Variants in NBN observed in about 807,000 individuals in gnomAD.
NBN encodes Nijmegen breakage syndrome 1 (nibrin).
Under a neutral mutation model 90.8 loss-of-function variants are expected in NBN, and 88 were observed. That is an observed-to-expected ratio of 0.97 (90% CI 0.82 to 1.16). NBN has a LOEUF of 1.16. Among genes scored for constraint, NBN ranks in the 50% most tolerant of loss-of-function variants. The pLI is 0.00. For missense variants in NBN, 894 were observed against 869.6 expected, an observed-to-expected ratio of 1.03 and a Z score of -0.35; for synonymous variants, 328 against 295.1, an observed-to-expected ratio of 1.11 and a Z score of -1.14.
chr8:89,949,794 G>A (rs1035244581), intron 11 of NBN, among the ~76,000 whole-genome samples: 1 of 151,912 alleles, frequency 6.6e-6, no homozygotes, highest in Non-Finnish European at 1.5e-5. Context: ...TCAAAAAATC[G>A]CCAAAAAAAT....
chr8:89,937,023 T>C lies in NBN; in HGVS notation c.2234+3A>G, dbSNP rs1563497539. The stretch of plus-strand genomic sequence containing the variant: ...TACATGAGAAAGGTGAATCAAACTT[T>C]ACCTAAAAAGATCATCAGCAAGAGA... On this transcript the variant is annotated splice_donor_region_variant and intron_variant, in intron 15 of 15. Transcript: ENST00000265433. 2 of 1,605,368 alleles carry C rather than the reference T, an allele frequency of 1.2e-6. No homozygotes were observed. The highest frequency in any genetic ancestry group is 1.7e-5 in the Admixed American group (1 of 59,944).
chr8:89,970,625 T>G, intron 6 of NBN, 68 bp from the exon 7 acceptor site: 35 of 1,437,748 alleles, frequency 2.4e-5, no homozygotes, highest in Non-Finnish European at 3.3e-5. Context: ...AGAATTTGAT[T>G]TGGGAAACAT....
In NBN at chr8:89,958,759, C is replaced by A. The variant is rs765403660; in HGVS notation, c.1090G>T (p.Val364Leu). ...PSAPVNTTTY[V>L]ADTESEQADT... ...GCTTGCTCTGATTCTGTGTCAGCTA[C>A]GTATGTTGTAGTGTTCACTGGGGCG... Residue 364 changes from valine to leucine, a missense_variant, in exon 9 of 16, where the codon GTA (valine) becomes TTA (leucine). Physicochemically the swap from Val to Leu is conservative, Grantham distance 32 (BLOSUM62 1). Transcript: ENST00000265433. The A allele has an allele frequency of 6.2e-7, 1 of 1,614,062 alleles. No individual in the cohort carries two copies. The highest frequency in any genetic ancestry group is 1.1e-5 in the South Asian group (1 of 91,074).
intron 6 of NBN, 140 bp downstream of exon 6, chr8:89,971,033 G>A: frequency 1.2e-6 from 1 of 848,792 alleles, no homozygotes; most frequent in Non-Finnish European, 1.8e-6. Context: ...CAGGTCTGGT[G>A]CCTGGGGTTT....
chr8:89,981,647 T>C (rs1812075963), intron 2 of NBN, 124 bp from the exon 3 acceptor site: 3 of 965,090 alleles, frequency 3.1e-6, no homozygotes, highest in African/African-American at 1.6e-5. Flanking sequence ...AGACAACAAT[T>C]ACTGCTTCGG....
intron 10 of NBN, among the ~76,000 whole-genome samples, chr8:89,954,574 A>C (rs1810608894): frequency 6.6e-6 from 1 of 152,108 alleles, no homozygotes; most frequent in Non-Finnish European, 1.5e-5. Context: ...GAGAGGACAG[A>C]AAAAGTTTTT....
intron 7 of NBN, among the ~76,000 whole-genome samples, chr8:89,966,084 A>T (rs2129798622): frequency 6.6e-6 from 1 of 152,346 alleles, no homozygotes; most frequent in African/African-American, 2.4e-5. Context: ...CATATTTAAT[A>T]ATGCTCTACA....
chr8:89,982,307 A>G (rs1586110717), intron 2 of NBN: 2 of 268,000 alleles, frequency 7.5e-6, no homozygotes, highest in East Asian at 2.1e-4. Flanking sequence ...AACCTCTTTA[A>G]GAGCCAGAGT....
At position 89,970,388 on chromosome 8, in the gene NBN, T is replaced by G. The variant is rs587778547; in HGVS notation, c.872A>C (p.Gln291Pro). ...CCTTTGGAGCATATCCATTATTGAC[T>G]GAATCCATTTCTTCTGACAGTCAGG... ...LIPDCQKKWI[Q>P]SIMDMLQRQG... The change falls in exon 7 of 16, where the codon CAG becomes CCG. Residue 291 changes from glutamine (Q) to proline (P), a missense_variant. Coordinates refer to ENST00000265433, the MANE Select transcript of NBN (RefSeq NM_002485.5). 1.2e-6 allele frequency: 2 copies of G among 1,612,990 alleles called. No individual in the cohort carries two copies. Among genetic ancestry groups the G allele is most frequent in the Non-Finnish European group, 1.7e-6 (2 of 1,179,044 alleles).
At chr8:89,981,849 T>C (rs1417168199) in intron 2 of NBN, 4 of 628,614 alleles carry the variant, frequency 6.4e-6, no homozygotes, top group Admixed American at 4.3e-5. Flanking sequence ...AACATGACAA[T>C]TTCATTCCTA....
intron 4 of NBN, 65 bp downstream of exon 4, chr8:89,980,669 G>C: frequency 7.2e-7 from 1 of 1,381,352 alleles, no homozygotes; most frequent in South Asian, 1.2e-5. Context: ...AAAAATCTGT[G>C]TATAGTGGGT....
Position 89,970,450 on chromosome 8 carries a change from AAC to A in NBN, c.808_809del (p.Val270CysfsTer2), listed in dbSNP as rs786202490. 1.4e-5 allele frequency: 22 copies of A among 1,613,958 alleles called. No individual in the cohort carries two copies. Among genetic ancestry groups the A allele is most frequent in the Non-Finnish European group, 1.8e-5 (21 of 1,179,962 alleles). ...GTGAGTTTGTTATTCCTGTATCAAC[AAC>A]ACACGTTCCCGGAGCCAAAAAGAAA... ...HNFFLAPGTC[V>X]VDTGITNSQT... is the part of the protein sequence containing the mutation. On this transcript the variant is annotated frameshift_variant, in exon 7 of 16. Transcript: ENST00000265433. LOFTEE classifies it high-confidence loss of function.
intron 5 of NBN, among the ~76,000 whole-genome samples, chr8:89,975,147 G>A (rs933688878): frequency 6.6e-6 from 1 of 152,160 alleles, no homozygotes; most frequent in Non-Finnish European, 1.5e-5. Context: ...AGGAAAATGA[G>A]ATATTGCAAA....
chr8:89,971,723 G>A (rs1424627533), intron 5 of NBN, among the ~76,000 whole-genome samples: 1 of 152,130 alleles, frequency 6.6e-6, no homozygotes, highest in Admixed American at 6.5e-5. Context: ...TCTATTATGA[G>A]TGTTTTGTTA....
intron 11 of NBN, among the ~76,000 whole-genome samples, chr8:89,950,026 A>G: frequency 6.6e-6 from 1 of 152,252 alleles, no homozygotes; most frequent in East Asian, 1.9e-4. Context: ...TAGTTATGCA[A>G]GCTGTAACAA....
intron 1 of NBN, 53 bp downstream of exon 1, chr8:89,984,472 C>T: frequency 5.2e-6 from 8 of 1,548,816 alleles, no homozygotes; most frequent in Non-Finnish European, 1.8e-6. Flanking sequence ...GGCCCTCCCC[C>T]GAGGCAGTCG....
chr8:89,946,487 A>G (rs1032781843), intron 12 of NBN, 192 bp from the exon 13 acceptor site: 2 of 567,620 alleles, frequency 3.5e-6, no homozygotes, highest in Non-Finnish European at 3.1e-6. Flanking sequence ...ACTTACTCAA[A>G]TGCTCTATAA....
intron 8 of NBN, among the ~76,000 whole-genome samples, chr8:89,960,796 T>C (rs1810959014): frequency 6.6e-6 from 1 of 152,108 alleles, no homozygotes; most frequent in Non-Finnish European, 1.5e-5. Flanking sequence ...CTTGCCATAA[T>C]ACAGGTATAT....
chr8:89,965,198 GA>G (rs1215055395), intron 7 of NBN, among the ~76,000 whole-genome samples: 1 of 151,758 alleles, frequency 6.6e-6, no homozygotes, highest in East Asian at 1.9e-4. Context: ...ACTTCAAAGA[GA>G]AGAAAAAAAG....
Sources: allele counts gnomAD v4.1 joint callset (sites outside exome capture counted in the v4.1 genomes callset), GRCh38; gene constraint gnomAD v4.1.1; transcripts MANE v1.5; gene names NCBI Gene and HGNC (gene_info 2026-07-23, HGNC 2026-07-21).